Variants in AGAP1 observed in about 807,000 individuals in gnomAD.
AGAP1 encodes arf-GAP with GTPase, ANK repeat and PH domain-containing protein 1.
A neutral mutation model predicts 105.3 loss-of-function variants in AGAP1; 29 were observed. The ratio of observed to expected loss-of-function variants is 0.28; its 90% CI spans 0.21 to 0.38. The LOEUF is 0.38. Among genes scored for constraint, AGAP1 ranks in the 10% least tolerant of loss-of-function variants. The pLI is 1.00. For synonymous variants in AGAP1, 509 were observed against 485.9 expected, an observed-to-expected ratio of 1.05 and a Z score of -0.63; for missense variants, 998 against 1,165.1, an observed-to-expected ratio of 0.86 and a Z score of 2.09.
Position 236,120,482 on chromosome 2 carries a change from C to T in AGAP1, c.2370+35C>T. 7 of 1,608,912 alleles carry T rather than the reference C, an allele frequency of 4.4e-6. No individual in the cohort carries two copies. The highest frequency in any genetic ancestry group is 5.9e-6 in the Non-Finnish European group (7 of 1,178,662). ...CGGCACGCCTGGCAGAGGACGGGGCCACAGGAGGCACTCTCTGCTTTGTTC... is the reference window on the plus strand; with the variant it reads ...CGGCACGCCTGGCAGAGGACGGGGCTACAGGAGGCACTCTCTGCTTTGTTC... On this transcript the variant is annotated intron_variant, in intron 17 of 17. Transcript: ENST00000304032. This position sits in a 1 kb window ranked among gnomAD's most constrained non-coding sequence, Gnocchi z 6.0.
chr2:235,978,687 G>T (rs2054959656), intron 13 of AGAP1, among the ~76,000 whole-genome samples: 2 of 152,148 alleles, frequency 1.3e-5, no homozygotes, highest in South Asian at 4.1e-4. Context: ...AGTGGGAGGA[G>T]AGCCTTCTGC....
In AGAP1 at chr2:235,787,700, T is replaced by G. The variant is rs1318555004; in HGVS notation, c.674-10059T>G. ...ATAAAGCATAGTAAAGAAACCTTCC[T>G]TGACACATTAAAGGGAAAAGCAGCC... On this transcript the variant is annotated intron_variant, in intron 6 of 17. Transcript: ENST00000304032. The surrounding 1 kb of genome is among the most constrained non-coding windows in gnomAD (Gnocchi z 4.4). Among the ~76,000 whole-genome samples, 1 of 152,188 alleles carries G rather than the reference T, an allele frequency of 6.6e-6. No homozygotes were observed. The highest frequency in any genetic ancestry group is 1.5e-5 in the Non-Finnish European group (1 of 68,040).
intron 13 of AGAP1, among the ~76,000 whole-genome samples, chr2:235,975,488 T>C (rs2054822020): frequency 2.0e-5 from 3 of 152,146 alleles, no homozygotes; most frequent in South Asian, 2.1e-4. Flanking sequence ...GGGAGGGCAG[T>C]GTGCTTGTTT....
In AGAP1 at chr2:235,750,535, G is replaced by A. The variant is rs1189248478; in HGVS notation, c.673+47G>A. On this transcript the variant is annotated intron_variant, in intron 6 of 17. Transcript: ENST00000304032. This position sits in a 1 kb window ranked among gnomAD's most constrained non-coding sequence, Gnocchi z 5.3. ...TTTAATTTCAGTTCATGATAGACGG[G>A]AGGCACTTCAAGAAGTCAGTCCTGC... 1 of 1,610,376 alleles carries A rather than the reference G, an allele frequency of 6.2e-7. No individual in the cohort carries two copies. The highest frequency in any genetic ancestry group is 1.7e-5 in the Admixed American group (1 of 59,958).
rs185561476 is a variant in AGAP1, at chr2:236,116,806, G to A, written c.2115-3386G>A. ...GTTGTATCATTCTTACACCTTTTAT[G>A]TCCCCATAGCTTAGCTCCCACGTAT... is the stretch of plus-strand genomic sequence containing the variant. On this transcript the variant is annotated intron_variant, in intron 16 of 17. Coordinates refer to ENST00000304032, the MANE Select transcript of AGAP1 (RefSeq NM_001037131.3). Among the ~76,000 whole-genome samples, 580 of 147,372 alleles carry A rather than the reference G, an allele frequency of 3.9e-3. 4 individuals carry two copies. Among genetic ancestry groups the A allele is most frequent in the Non-Finnish European group, 6.7e-3 (453 of 67,184 alleles).
intron 12 of AGAP1, among the ~76,000 whole-genome samples, chr2:235,954,764 T>C (rs1223983390): frequency 6.6e-6 from 1 of 151,910 alleles, no homozygotes; most frequent in Admixed American, 6.5e-5. Flanking sequence ...TGCACACATA[T>C]ATATGCTTAT....
At chr2:235,500,683 A>G (rs1195170212) in intron 1 of AGAP1, among the ~76,000 whole-genome samples, 1 of 152,178 alleles carries the variant, frequency 6.6e-6, no homozygotes, top group Non-Finnish European at 1.5e-5. Flanking sequence ...AATGGTTTCA[A>G]GCTGGTGTTC....
chr2:235,514,163 C>T (rs1014191887), intron 1 of AGAP1, among the ~76,000 whole-genome samples: 2 of 9,968 alleles, frequency 2.0e-4, no homozygotes, highest in African/African-American at 4.3e-4. Context: ...TGCGCGCGCG[C>T]ACACACACAC....
intron 12 of AGAP1, among the ~76,000 whole-genome samples, chr2:235,943,840 G>T (rs1339630218): frequency 6.6e-6 from 1 of 152,132 alleles, no homozygotes; most frequent in East Asian, 1.9e-4. Flanking sequence ...TCTCCGTTAG[G>T]ATTTGTATGT....
At position 235,754,577 on chromosome 2, in the gene AGAP1, G is replaced by A. The variant is rs1048490618; in HGVS notation, c.673+4089G>A. 5.9e-5 allele frequency among the ~76,000 whole-genome samples: 9 copies of A among 152,168 alleles called. No individual in the cohort carries two copies. The highest frequency in any genetic ancestry group is 5.9e-4 in the Admixed American group (9 of 15,278). ...TAGTGTCTTGTAACAAAAGGACATTGTAAAAATGAATGGAGAAACCTTGCA... is the reference window on the plus strand; with the variant it reads ...TAGTGTCTTGTAACAAAAGGACATTATAAAAATGAATGGAGAAACCTTGCA... On this transcript the variant is annotated intron_variant, in intron 6 of 17. Coordinates refer to ENST00000304032, the MANE Select transcript of AGAP1 (RefSeq NM_001037131.3). The surrounding 1 kb of genome is among the most constrained non-coding windows in gnomAD (Gnocchi z 4.6).
At chr2:235,784,399 TA>T (rs1956477081) in intron 6 of AGAP1, among the ~76,000 whole-genome samples, 1 of 152,308 alleles carries the variant, frequency 6.6e-6, no homozygotes, top group Admixed American at 6.5e-5. Flanking sequence ...CACAGCAGAT[TA>T]CAGATTCAAA....
In AGAP1 at chr2:236,130,355, C is replaced by A. The variant is rs1303303551; in HGVS notation, c.*6233C>A. The A allele has an allele frequency of 6.6e-6, 1 of 151,902 alleles. No homozygotes were observed. The highest frequency in any genetic ancestry group is 1.9e-4 in the East Asian group (1 of 5,184). 9.4% of individuals were successfully genotyped at this position (151,902 alleles called of 1,614,324 possible). ...GTCCACATCGGACTGATCTAGAATGCCCCGTGGGGGGATTGCATGGCCTTT... is the reference window on the plus strand; with the variant it reads ...GTCCACATCGGACTGATCTAGAATGACCCGTGGGGGGATTGCATGGCCTTT... On this transcript the variant is annotated 3_prime_UTR_variant, in exon 18 of 18. Coordinates refer to ENST00000304032, the MANE Select transcript of AGAP1 (RefSeq NM_001037131.3). This position sits in a 1 kb window ranked among gnomAD's most constrained non-coding sequence, Gnocchi z 5.8.
chr2:235,647,899 A>G (rs1348696897), intron 1 of AGAP1, among the ~76,000 whole-genome samples: 1 of 151,892 alleles, frequency 6.6e-6, no homozygotes, highest in African/African-American at 2.4e-5. Flanking sequence ...CACCGCCACT[A>G]ATTTCCCCCC....
In AGAP1 at chr2:235,719,152, G is replaced by A. The variant is rs143887910; in HGVS notation, c.310+1508G>A. On this transcript the variant is annotated intron_variant, in intron 3 of 17. Transcript: ENST00000304032. This position sits in a 1 kb window ranked among gnomAD's most constrained non-coding sequence, Gnocchi z 4.9. Reference sequence around the variant, plus strand: ...TGCAACTCTGTGGATTTCAAGCTGGGACCACAGGAAGTTACATGAGTCGGG... The same window carrying A: ...TGCAACTCTGTGGATTTCAAGCTGGAACCACAGGAAGTTACATGAGTCGGG... Among the ~76,000 whole-genome samples, 1,354 of 152,266 alleles carry A rather than the reference G, an allele frequency of 8.9e-3. 15 individuals are homozygous for A. The highest frequency in any genetic ancestry group is 0.031 in the African/African-American group (1,286 of 41,550).
At chr2:235,543,762 CAGCACG>C (rs1230161124) in intron 1 of AGAP1, among the ~76,000 whole-genome samples, 1 of 152,188 alleles carries the variant, frequency 6.6e-6, no homozygotes, top group Non-Finnish European at 1.5e-5. Flanking sequence ...TCTGTAGGAA[CAGCACG>C]AGAGCTCCTT....
chr2:235,995,913 G>A (rs949073326), intron 13 of AGAP1, among the ~76,000 whole-genome samples: 1 of 152,164 alleles, frequency 6.6e-6, no homozygotes, highest in African/African-American at 2.4e-5. Context: ...CAGTGGGTTT[G>A]GAGGTCACTG....
intron 5 of AGAP1, among the ~76,000 whole-genome samples, chr2:235,749,346 G>A (rs1221397879): frequency 6.6e-6 from 1 of 151,928 alleles, no homozygotes; most frequent in Non-Finnish European, 1.5e-5. Flanking sequence ...GGATGGGGCA[G>A]GGCTGGGGGT....
Position 235,765,254 on chromosome 2 carries a change from A to T in AGAP1, c.673+14766A>T, listed in dbSNP as rs1326526438. Among the ~76,000 whole-genome samples, 8 of 64,416 alleles carry T rather than the reference A, an allele frequency of 1.2e-4. No homozygotes were observed. The East Asian group carries it at 2.9e-3, about 24-fold the overall frequency. The allele number at this position is 64,416 out of a possible 152,430, so 42.3% of individuals were successfully genotyped here. A position where few individuals can be genotyped will look rare whatever the true frequency, so the allele number is the denominator to read the frequency against. Reference sequence around the variant, plus strand: ...CTGGGAGCGTCCGTGGGGTGGGGGCATCTGGGAGCGTCCGTGGGGGTGGGG... The same window carrying T: ...CTGGGAGCGTCCGTGGGGTGGGGGCTTCTGGGAGCGTCCGTGGGGGTGGGG... On this transcript the variant is annotated intron_variant, in intron 6 of 17. Transcript: ENST00000304032.
intron 1 of AGAP1, among the ~76,000 whole-genome samples, chr2:235,613,892 G>A (rs761917370): frequency 2.0e-5 from 3 of 152,326 alleles, no homozygotes; most frequent in Middle Eastern, 3.4e-3. Flanking sequence ...CCGCAGGGTG[G>A]CCTTGTCCAT....
Sources: gnomAD v4.1 joint callset for allele counts (sites outside exome capture counted in the v4.1 genomes callset) on GRCh38, gnomAD v4.1.1 for gene constraint, Gnocchi (gnomAD v3.1) non-coding constraint, MANE v1.5 for transcripts, NCBI Gene and HGNC (gene_info 2026-07-23, HGNC 2026-07-21) for gene names.